Variants in AGK observed in about 807,000 individuals in gnomAD.
The protein encoded by AGK is acylglycerol kinase, mitochondrial.
In AGK, 52 loss-of-function variants were observed where a neutral mutation model predicts 66.4. That is an observed-to-expected ratio of 0.78 (90% confidence interval 0.63 to 0.99). The LOEUF (loss-of-function observed/expected upper bound fraction) is 0.99, where lower values mean the gene tolerates loss of function less well. Ranked by LOEUF, AGK falls within the 50% of genes least tolerant of loss-of-function variation. The pLI is 0.00. For missense variants in AGK, 451 were observed against 506.6 expected (o/e 0.89, Z 1.05); for synonymous variants, 182 against 181.1 (o/e 1.00, Z -0.04).
chr7:141,585,875 G>C (rs1453694515), intron 2 of AGK, among the ~76,000 whole-genome samples: 1 of 152,118 alleles, frequency 6.6e-6, no homozygotes, highest in African/African-American at 2.4e-5. Flanking sequence ...TTAATACTGA[G>C]CAGATCTGCA....
intron 3 of AGK, among the ~76,000 whole-genome samples, chr7:141,595,106 A>T (rs1469987595): frequency 6.6e-6 from 1 of 152,234 alleles, no homozygotes; most frequent in African/African-American, 2.4e-5. Flanking sequence ...ATGATATTTA[A>T]TAACAAATCT....
intron 14 of AGK, chr7:141,650,472 G>A: frequency 1.0e-6 from 1 of 984,262 alleles, no homozygotes; most frequent in Non-Finnish European, 1.2e-6. Context: ...GTTCTCTACA[G>A]GAAGTGAAAT....
intron 4 of AGK, among the ~76,000 whole-genome samples, chr7:141,600,153 G>C (rs1413925043): frequency 6.6e-6 from 1 of 152,190 alleles, no homozygotes; most frequent in East Asian, 1.9e-4. Context: ...AAATAAGACA[G>C]AGGACTGAGT....
intron 5 of AGK, among the ~76,000 whole-genome samples, chr7:141,606,617 C>T (rs1175645013): frequency 6.6e-6 from 1 of 152,144 alleles, no homozygotes; most frequent in Non-Finnish European, 1.5e-5. Context: ...TTATAAATTT[C>T]CTACAATTGA....
rs548776354 is a variant in AGK at position 141,613,568 on chromosome 7, G to A, written c.391-578G>A. Among the ~76,000 whole-genome samples the A allele has an allele frequency of 9.8e-5, 15 of 152,302 alleles. No individual in the cohort carries two copies. The South Asian group carries it at 3.1e-3, about 32-fold the overall frequency. Reference sequence around the variant, plus strand: ...TGGGAAGCAGAGGTTGCAGTGAGCCGAGATCATGCCATCGCTCTCCAGCCT... The same window carrying A: ...TGGGAAGCAGAGGTTGCAGTGAGCCAAGATCATGCCATCGCTCTCCAGCCT... On this transcript the variant is annotated intron_variant, in intron 6 of 15. Transcript: ENST00000649286.
At chr7:141,568,475 G>T (rs940117551) in intron 2 of AGK, among the ~76,000 whole-genome samples, 2 of 152,038 alleles carry the variant, frequency 1.3e-5, no homozygotes, top group South Asian at 2.1e-4. Context: ...CTTAGTTCTG[G>T]CACATGGTTC....
intron 14 of AGK, 52 bp from the exon 15 acceptor site, chr7:141,651,473 C>G (rs1267167155): frequency 6.7e-7 from 1 of 1,491,182 alleles, no homozygotes; most frequent in Middle Eastern, 1.7e-4. Context: ...TTGTTGCAAC[C>G]TAGTGCAGTT....
chr7:141,652,641 T>A (rs1797589711), intron 15 of AGK, 146 bp from the exon 16 acceptor site: 2 of 781,868 alleles, frequency 2.6e-6, no homozygotes, highest in Non-Finnish European at 4.0e-6. Flanking sequence ...GGCACTGAAT[T>A]TTTTTTTGTA....
At chr7:141,625,918 G>A (rs145468351) in intron 9 of AGK, among the ~76,000 whole-genome samples, 3 of 152,110 alleles carry the variant, frequency 2.0e-5, no homozygotes, top group Admixed American at 6.5e-5. Flanking sequence ...TGCATGCTAG[G>A]TGGGAATAGA....
At chr7:141,648,952 A>G (rs1399485041) in intron 13 of AGK, among the ~76,000 whole-genome samples, 1 of 152,076 alleles carries the variant, frequency 6.6e-6, no homozygotes, top group Admixed American at 6.5e-5. Context: ...AATCCTAGAG[A>G]CTAGAACGGC....
Position 141,626,858 on chromosome 7 carries a change from A to C in AGK, c.588+5057A>C, listed in dbSNP as rs565296999. Among the ~76,000 whole-genome samples, 17 of 152,346 alleles carry C rather than the reference A, an allele frequency of 1.1e-4. No individual in the cohort carries two copies. In the East Asian group the frequency reaches 3.3e-3, roughly 29 times the overall value. On this transcript the variant is annotated intron_variant, in intron 9 of 15. Transcript: ENST00000649286. ...AATTAGAGAAATTTTAGTATTAACT[A>C]TATCTTAAATATTATGTATTGATGT...
Position 141,633,978 on chromosome 7 carries a change from C to A in AGK, c.666C>A (p.Ser222Arg), listed in dbSNP as rs1257836846. The A allele has an allele frequency of 1.9e-6, 3 of 1,612,558 alleles. No individual in the cohort carries two copies. The highest frequency in any genetic ancestry group is 1.7e-4 in the Middle Eastern group (1 of 6,054). Residue 222 changes from serine to arginine, a missense_variant and splice_region_variant, in exon 10 of 16, where the codon AGC becomes AGA. By Grantham distance (110) the Ser-to-Arg change is moderately radical. Coordinates refer to ENST00000649286, the MANE Select transcript of AGK (RefSeq NM_018238.4). ...GSFRDAGVKV[S>R]KYWYLGPLKI... The stretch of plus-strand genomic sequence containing the variant: ...TCAGAGATGCTGGCGTCAAAGTTAG[C>A]AAGTAAAGGATTACTATATTGATGT...
chr7:141,634,830 CTT>C (rs57395722), intron 10 of AGK, among the ~76,000 whole-genome samples: 17 of 136,900 alleles, frequency 1.2e-4, no homozygotes, highest in Admixed American at 2.2e-4. Context: ...GCCTGCCATG[CTT>C]TTTTTTTTTT....
In AGK at chr7:141,649,246, G is replaced by C; in HGVS notation, c.976-17G>C. 6.3e-7 allele frequency: 1 copy of C among 1,599,316 alleles called. No homozygotes were observed. On this transcript the variant is annotated splice_polypyrimidine_tract_variant and intron_variant, in intron 13 of 15. Transcript: ENST00000649286. ...AAATTTTAAGAGTAATGACGTTAGT[G>C]TTCTTAACCTTTTTAGAGCAAAGAA...
intron 2 of AGK, among the ~76,000 whole-genome samples, chr7:141,562,701 T>A (rs932938825): frequency 6.6e-6 from 1 of 152,192 alleles, no homozygotes; most frequent in South Asian, 2.1e-4. Flanking sequence ...ACTTCCAGAG[T>A]GCTCTGCTAA....
At chr7:141,563,391 T>C (rs1795394455) in intron 2 of AGK, among the ~76,000 whole-genome samples, 1 of 152,242 alleles carries the variant, frequency 6.6e-6, no homozygotes, top group Admixed American at 6.5e-5. Context: ...CTTCAAGACT[T>C]TTATCTGGCT....
At chr7:141,584,412 G>A (rs760333357) in intron 2 of AGK, among the ~76,000 whole-genome samples, 2 of 152,160 alleles carry the variant, frequency 1.3e-5, no homozygotes, top group African/African-American at 2.4e-5. Context: ...CAGGGGATAC[G>A]ATGGCTTAGC....
chr7:141,563,330 C>T (rs998053548), intron 2 of AGK, among the ~76,000 whole-genome samples: 1 of 152,210 alleles, frequency 6.6e-6, no homozygotes, highest in African/African-American at 2.4e-5. Context: ...TCTCCTGGCC[C>T]TTCAGTAGCT....
chr7:141,641,154 G>T, intron 11 of AGK, 94 bp from the exon 12 acceptor site: 1 of 1,193,204 alleles, frequency 8.4e-7, no homozygotes, highest in Non-Finnish European at 1.2e-6. Context: ...TTTCTAGCAG[G>T]TATAGGTAGA....
Sources: allele counts gnomAD v4.1 joint callset (sites outside exome capture counted in the v4.1 genomes callset), GRCh38; gene constraint gnomAD v4.1.1; transcripts MANE v1.5; gene names NCBI Gene and HGNC (gene_info 2026-07-23, HGNC 2026-07-21).